The following NAV2 variants were observed in gnomAD, a reference collection of about 807,000 sequenced individuals.
The protein encoded by NAV2 is helicase, APC down-regulated 1.
A neutral mutation model predicts 223.2 loss-of-function variants in NAV2; 54 were observed. The ratio of observed to expected loss-of-function variants is 0.24; its 90% confidence interval spans 0.19 to 0.30. The LOEUF (loss-of-function observed/expected upper bound fraction) is 0.30. NAV2 is among the 10% of genes least tolerant of loss of function. The pLI, the probability that NAV2 is intolerant of heterozygous loss-of-function variation, is 1.00. For missense variants in NAV2, 2,806 were observed against 3,147.5 expected, an observed-to-expected ratio of 0.89 and a Z score of 2.60; for synonymous variants, 1,279 against 1,239.3, an observed-to-expected ratio of 1.03 and a Z score of -0.67.
chr11:19,501,653 T>A (rs1297190559), intron 1 of NAV2, among the ~76,000 whole-genome samples: 1 of 151,722 alleles, frequency 6.6e-6, no homozygotes, highest in African/African-American at 2.4e-5. Context: ...GTCCAAAGGG[T>A]GTGTTCTTAT....
chr11:19,423,656 A>G (rs1364853325), intron 1 of NAV2, among the ~76,000 whole-genome samples: 1 of 152,234 alleles, frequency 6.6e-6, no homozygotes, highest in Non-Finnish European at 1.5e-5. Context: ...AGTGGCTCAG[A>G]GATTGAAAGT....
chr11:20,115,683 G>C (rs2063027936), intron 37 of NAV2, among the ~76,000 whole-genome samples: 1 of 141,788 alleles, frequency 7.1e-6, no homozygotes, highest in African/African-American at 2.6e-5. Context: ...GGTGGCTCAT[G>C]CCTGTAGTCC....
intron 1 of NAV2, among the ~76,000 whole-genome samples, chr11:19,404,938 G>A (rs1018809614): frequency 2.0e-5 from 3 of 152,110 alleles, no homozygotes; most frequent in Admixed American, 1.3e-4. Flanking sequence ...CCAAGTGGCT[G>A]GTTGCCTTCC....
chr11:20,059,742 A>G (rs950155078), intron 19 of NAV2, among the ~76,000 whole-genome samples: 2 of 152,242 alleles, frequency 1.3e-5, no homozygotes, highest in South Asian at 4.1e-4. Context: ...TCTCAATGGC[A>G]GAAGTGGCCT....
chr11:20,039,353 A>T (rs972268135), intron 12 of NAV2, among the ~76,000 whole-genome samples: 81 of 152,156 alleles, frequency 5.3e-4, no homozygotes, highest in Non-Finnish European at 4.7e-4. Context: ...ATGCTTCCCT[A>T]GGTGCCTGAG....
intron 17 of NAV2, among the ~76,000 whole-genome samples, chr11:20,053,096 T>G (rs747873682): frequency 4.6e-5 from 7 of 151,614 alleles, no homozygotes; most frequent in Non-Finnish European, 7.4e-5. Flanking sequence ...CACATGCCTA[T>G]AGTCCCAGCT....
intron 1 of NAV2, among the ~76,000 whole-genome samples, chr11:19,382,879 T>C (rs950972261): frequency 2.0e-5 from 3 of 152,200 alleles, no homozygotes; most frequent in African/African-American, 7.2e-5. Flanking sequence ...ACTCCAAAGT[T>C]TGAGTGCTTG....
At chr11:19,800,409 A>C (rs1210138493) in intron 1 of NAV2, among the ~76,000 whole-genome samples, 1 of 152,166 alleles carries the variant, frequency 6.6e-6, no homozygotes, top group Non-Finnish European at 1.5e-5. Context: ...AGAAGTTTTC[A>C]AGTCTCTCAT....
intron 1 of NAV2, among the ~76,000 whole-genome samples, chr11:19,670,747 AG>A (rs1396790863): frequency 2.6e-5 from 4 of 152,228 alleles, no homozygotes; most frequent in Non-Finnish European, 5.9e-5. Flanking sequence ...GCAGCCAATT[AG>A]GTGATGCTGC....
At chr11:19,781,358 C>A (rs1488742329) in intron 1 of NAV2, among the ~76,000 whole-genome samples, 1 of 152,182 alleles carries the variant, frequency 6.6e-6, no homozygotes, top group Non-Finnish European at 1.5e-5. Context: ...TCACTGCAAT[C>A]CCCTCTTAGC....
chr11:19,367,985 A>G (rs1848345449), intron 1 of NAV2, among the ~76,000 whole-genome samples: 1 of 152,212 alleles, frequency 6.6e-6, no homozygotes, highest in African/African-American at 2.4e-5. Flanking sequence ...CTACAACTTT[A>G]TCACTCACAT....
At position 19,949,034 on chromosome 11, in the gene NAV2, G is replaced by T; in HGVS notation, c.2599G>T (p.Gly867Trp). Residue 867 changes from glycine to tryptophan, a missense_variant, in exon 10 of 38, where the codon GGG becomes TGG. Around this residue, in one of 4 missense-constraint regions of NAV2, gnomAD observed 1,167 missense variants for 1,180.5 expected, o/e 0.99. Coordinates refer to ENST00000349880, the MANE Select transcript of NAV2 (RefSeq NM_145117.5). Reference protein sequence around the residue: ...SMDAPGYMSDGDVLSKNIRTD... With the variant: ...SMDAPGYMSDWDVLSKNIRTD... ...GGATGCCCCCGGCTACATGAGCGAC[G>T]GGGATGTTCTGAGCAAGAACATCCG... The T allele has an allele frequency of 6.2e-7, 1 of 1,613,508 alleles. No homozygotes were observed. Among genetic ancestry groups the T allele is most frequent in the Non-Finnish European group, 8.5e-7 (1 of 1,179,608 alleles).
At chr11:19,844,580 C>T (rs2060683558) in intron 3 of NAV2, among the ~76,000 whole-genome samples, 1 of 152,176 alleles carries the variant, frequency 6.6e-6, no homozygotes, top group African/African-American at 2.4e-5. Flanking sequence ...CCTTGAGCCT[C>T]ATGTCATGCT....
In NAV2 at chr11:20,045,562, G is replaced by A; in HGVS notation, c.3794G>A (p.Cys1265Tyr). 1 of 1,614,204 alleles carries A rather than the reference G, an allele frequency of 6.2e-7. No homozygotes were observed. Among genetic ancestry groups the A allele is most frequent in the South Asian group, 1.1e-5 (1 of 91,080 alleles). The change falls in exon 14 of 38, where the codon TGT becomes TAT. Residue 1265 changes from cysteine to tyrosine, a missense_variant. By Grantham distance (194) the Cys-to-Tyr change is radical (BLOSUM62 -2). This residue lies in a region of NAV2 where 742 missense variants were observed against 777.9 expected (regional missense o/e 0.95). Transcript: ENST00000349880. Reference protein sequence around the residue: ...ISSDNESVASCNSVKVNPAAQ... With the variant: ...ISSDNESVASYNSVKVNPAAQ... ...TCAGACAACGAGAGTGTGGCTTCCT[G>A]TAACTCGGTGAAAGTGAATCCGGCA...
intron 1 of NAV2, among the ~76,000 whole-genome samples, chr11:19,747,063 T>G: frequency 1.5e-5 from 1 of 67,250 alleles, no homozygotes; most frequent in Admixed American, 3.0e-4. Flanking sequence ...CCCACAACAG[T>G]CCCCAGTGTG....
At chr11:19,739,919 T>C (rs537808057) in intron 1 of NAV2, among the ~76,000 whole-genome samples, 1 of 152,284 alleles carries the variant, frequency 6.6e-6, no homozygotes, top group East Asian at 1.9e-4. Context: ...CTTTCATGAA[T>C]TTAAATTTCA....
At position 19,625,955 on chromosome 11, in the gene NAV2, G is replaced by A. The variant is rs1228196950; in HGVS notation, c.76-206529G>A. ...TGACCCCTTGTCAGATGAGTAGTTC[G>A]TGACCATTTTCTCCCATTCTATAGG... is the stretch of plus-strand genomic sequence containing the variant. On this transcript the variant is annotated intron_variant, in intron 1 of 37. Coordinates refer to the NAV2 transcript ENST00000360655. 3.9e-5 allele frequency among the ~76,000 whole-genome samples: 6 copies of A among 151,942 alleles called. No individual in the cohort carries two copies. The East Asian group carries it at 5.8e-4, about 15-fold the overall frequency.
At chr11:19,877,328 G>A (rs2218329) in intron 4 of NAV2, among the ~76,000 whole-genome samples, 60,802 of 151,900 alleles carry the variant, frequency 0.4, 13,311 homozygotes, top group East Asian at 0.49. Flanking sequence ...GGCACTAAAA[G>A]TAAATCTTAC....
chr11:19,653,194 CTG>C (rs1230706928), intron 1 of NAV2, among the ~76,000 whole-genome samples: 1 of 152,164 alleles, frequency 6.6e-6, no homozygotes, highest in East Asian at 1.9e-4. Context: ...TCTGATGTGG[CTG>C]TGTTTCTTTA....
Sources: gnomAD v4.1 joint callset for allele counts (sites outside exome capture counted in the v4.1 genomes callset) on GRCh38, gnomAD v4.1.1 for gene constraint, gnomAD v4.1.1 regional missense constraint, MANE v1.5 for transcripts, NCBI Gene and HGNC (gene_info 2026-07-23, HGNC 2026-07-21) for gene names.